Variants in EHMT1 observed in about 807,000 individuals in gnomAD.
EHMT1 encodes histone-lysine N-methyltransferase EHMT1.
EHMT1 carries 15 observed loss-of-function variants against 147.2 expected under a neutral mutation model. That is an observed-to-expected ratio of 0.10 (90% CI 0.07 to 0.16). The LOEUF is 0.16. Among genes scored for constraint, EHMT1 ranks in the 10% least tolerant of loss-of-function variants. EHMT1 has a pLI of 1.00. For missense variants in EHMT1, 1,587 were observed against 1,772.4 expected (o/e 0.90, Z 1.88); for synonymous variants, 795 against 709.6 (o/e 1.12, Z -1.91).
intron 1 of EHMT1, chr9:137,674,747 G>C (rs1651765091): frequency 1.3e-5 from 2 of 152,260 alleles, no homozygotes; most frequent in Admixed American, 1.3e-4. Context: ...AGGCAGGCTT[G>C]TGTGGGTCAC....
intron 25 of EHMT1, 23 bp from the exon 26 acceptor site, chr9:137,834,326 C>T (rs529969669): frequency 5.1e-5 from 81 of 1,603,746 alleles, no homozygotes; most frequent in Admixed American, 2.2e-4. Flanking sequence ...AACTGCAGCC[C>T]GTGCCGGCTT....
chr9:137,703,618 T>G (rs1944018921), intron 1 of EHMT1, among the ~76,000 whole-genome samples: 1 of 152,098 alleles, frequency 6.6e-6, no homozygotes, highest in Non-Finnish European at 1.5e-5. Context: ...TGACTTTTAC[T>G]CCAATTCCCA....
chr9:137,748,849 T>G (rs1248995814), intron 6 of EHMT1, among the ~76,000 whole-genome samples: 1 of 152,200 alleles, frequency 6.6e-6, no homozygotes, highest in Non-Finnish European at 1.5e-5. Flanking sequence ...CAAGCCCTTG[T>G]TGTGTAGTCG....
chr9:137,643,644 G>A (rs567656698), intron 1 of EHMT1, among the ~76,000 whole-genome samples: 2 of 152,218 alleles, frequency 1.3e-5, no homozygotes, highest in East Asian at 1.9e-4. Context: ...CACCGCGCCC[G>A]GCCGTATAAA....
chr9:137,771,685 C>G (rs11137220), intron 10 of EHMT1, among the ~76,000 whole-genome samples: 42,956 of 141,008 alleles, frequency 0.3, 6,572 homozygotes, highest in Admixed American at 0.42. Flanking sequence ...CCGAGGAGAC[C>G]GGGGTGGCGG....
chr9:137,659,751 A>AT (rs1055991684), intron 1 of EHMT1, among the ~76,000 whole-genome samples: 8 of 150,652 alleles, frequency 5.3e-5, no homozygotes, highest in African/African-American at 2.0e-4. Flanking sequence ...TAATTTTTGT[A>AT]TTTTTTGCAG....
intron 4 of EHMT1, among the ~76,000 whole-genome samples, chr9:137,742,553 A>G (rs1173222565): frequency 1.3e-5 from 2 of 152,096 alleles, no homozygotes; most frequent in East Asian, 3.9e-4. Context: ...CTGGAACTTA[A>G]AAAAAGTCAT....
chr9:137,703,452 G>T (rs1944004478), intron 1 of EHMT1, among the ~76,000 whole-genome samples: 1 of 152,294 alleles, frequency 6.6e-6, no homozygotes, highest in African/African-American at 2.4e-5. Context: ...GTGAGTGTAT[G>T]CTGTTAGAAG....
chr9:137,645,623 T>C (rs941875266), intron 1 of EHMT1, among the ~76,000 whole-genome samples: 1 of 152,210 alleles, frequency 6.6e-6, no homozygotes, highest in African/African-American at 2.4e-5. Flanking sequence ...GAAGGCTGTC[T>C]GTGTTTCCAT....
chr9:137,625,281 T>C (rs1407888226), intron 1 of EHMT1, among the ~76,000 whole-genome samples: 1 of 152,236 alleles, frequency 6.6e-6, no homozygotes, highest in African/African-American at 2.4e-5. Flanking sequence ...ATGCGTTTAG[T>C]GCTAGCCTTT....
chr9:137,834,232 C>A, intron 25 of EHMT1, 117 bp from the exon 26 acceptor site: 1 of 1,357,992 alleles, frequency 7.4e-7, no homozygotes, highest in Non-Finnish European at 1.0e-6. Flanking sequence ...GCCCCTCCTG[C>A]ATGGCGGGCC....
At chr9:137,622,065 T>C (rs1374191980) in intron 1 of EHMT1, among the ~76,000 whole-genome samples, 1 of 151,740 alleles carries the variant, frequency 6.6e-6, no homozygotes, top group Non-Finnish European at 1.5e-5. Flanking sequence ...GCTGCACCCA[T>C]TAACTCGTCA....
intron 1 of EHMT1, among the ~76,000 whole-genome samples, chr9:137,634,978 C>T (rs1306563814): frequency 6.6e-5 from 10 of 150,554 alleles, no homozygotes; most frequent in Non-Finnish European, 1.5e-4. Flanking sequence ...CCTCGGCCTC[C>T]CAAAGTGCTG....
chr9:137,815,757 C>G, intron 22 of EHMT1, 190 bp from the exon 23 acceptor site: 1 of 642,064 alleles, frequency 1.6e-6, no homozygotes, highest in Non-Finnish European at 2.8e-6. Flanking sequence ...GTGTGGGCAT[C>G]TGGGTGGAGG....
chr9:137,765,900 A>T (rs183984211), intron 10 of EHMT1, among the ~76,000 whole-genome samples: 33 of 152,058 alleles, frequency 2.2e-4, no homozygotes, highest in Non-Finnish European at 4.9e-4. Context: ...GGAAGCTTCG[A>T]GGCTCCCATA....
chr9:137,724,529 C>G (rs189884950), intron 3 of EHMT1, among the ~76,000 whole-genome samples: 2 of 152,218 alleles, frequency 1.3e-5, no homozygotes, highest in East Asian at 1.9e-4. Context: ...TTGAAAATAA[C>G]CTTTTAAATT....
chr9:137,787,514 G>A lies in EHMT1; in HGVS notation c.2383-3334G>A, dbSNP rs994350273. Among the ~76,000 whole-genome samples, 2 of 152,232 alleles carry A rather than the reference G, an allele frequency of 1.3e-5. No individual in the cohort carries two copies. The highest frequency in any genetic ancestry group is 3.9e-4 in the East Asian group (2 of 5,180). On this transcript the variant is annotated intron_variant, in intron 15 of 26. Coordinates refer to ENST00000460843, the MANE Select transcript of EHMT1 (RefSeq NM_024757.5). The surrounding 1 kb of genome is among the most constrained non-coding windows in gnomAD (Gnocchi z 4.2). Reference sequence around the variant, plus strand: ...GTGCCCAGCTCGGCCACGGCCACACGTGGGGTAGTTAGTAAACACCATGGA... The same window carrying A: ...GTGCCCAGCTCGGCCACGGCCACACATGGGGTAGTTAGTAAACACCATGGA...
intron 1 of EHMT1, among the ~76,000 whole-genome samples, chr9:137,654,777 A>G (rs1938256125): frequency 6.6e-6 from 1 of 152,194 alleles, no homozygotes; most frequent in South Asian, 2.1e-4. Flanking sequence ...GACAGACACC[A>G]GGAGAAGCAC....
At position 137,815,997 on chromosome 9, in the gene EHMT1, C is replaced by T. The variant is rs758005227; in HGVS notation, c.3309C>T (p.Phe1103=). The change falls in exon 23 of 27, where the codon TTC becomes TTT. Residue 1103 remains phenylalanine (F), a synonymous_variant. Coordinates refer to ENST00000460843, the MANE Select transcript of EHMT1 (RefSeq NM_024757.5). ...EFNMAEPPLI[F]ECNHACSCWR... ...ACATGGCGGAGCCTCCCTTGATCTTCGAATGCAACCACGCGTGCTCCTGCT... is the reference window on the plus strand; with the variant it reads ...ACATGGCGGAGCCTCCCTTGATCTTTGAATGCAACCACGCGTGCTCCTGCT... The T allele has an allele frequency of 3.3e-5, 54 of 1,612,606 alleles. 1 individual carries two copies. The highest frequency in any genetic ancestry group is 3.1e-4 in the South Asian group (28 of 90,672).
Sources: allele counts gnomAD v4.1 joint callset (sites outside exome capture counted in the v4.1 genomes callset), GRCh38; gene constraint gnomAD v4.1.1; non-coding constraint Gnocchi (gnomAD v3.1); transcripts MANE v1.5; gene names NCBI Gene and HGNC (gene_info 2026-07-23, HGNC 2026-07-21).